C3orf49: variants seen among roughly 807,000 people sequenced by gnomAD.
C3orf49 encodes the protein putative uncharacterized protein C3orf49.
Under a neutral mutation model 13.3 loss-of-function variants are expected in C3orf49, and 27 were observed. The ratio of observed to expected loss-of-function variants is 2.02; its 90% confidence interval spans 1.49 to 2.79. The LOEUF (loss-of-function observed/expected upper bound fraction) is 2.79, where lower values mean the gene tolerates loss of function less well. Among genes scored for constraint, C3orf49 ranks in the 30% most tolerant of loss-of-function variants. The pLI is 0.00. For missense variants in C3orf49, 242 were observed against 134.2 expected (o/e 1.80, Z -3.97); for synonymous variants, 87 against 47.6 (o/e 1.83, Z -3.40).
the C3orf49 span, among the ~76,000 whole-genome samples, chr3:63,784,013 T>G: frequency 6.6e-6 from 1 of 152,142 alleles, no homozygotes; most frequent in African/African-American, 2.4e-5. Flanking sequence ...AAAATTTCCT[T>G]GACTCTCACT....
chr3:63,780,223 G>A, the C3orf49 span, among the ~76,000 whole-genome samples: 4 of 152,068 alleles, frequency 2.6e-5, no homozygotes, highest in African/African-American at 9.7e-5. Flanking sequence ...TCCCACCTAT[G>A]AGTGAGAACA....
chr3:63,845,944 A>C (rs1399763157), intron 6 of C3orf49, among the ~76,000 whole-genome samples: 1 of 152,186 alleles, frequency 6.6e-6, no homozygotes, highest in African/African-American at 2.4e-5. Context: ...TATTCATCTA[A>C]GAAGTGCACT....
Position 63,827,585 on chromosome 3 carries a change from TCCCCC to T in C3orf49, c.446-15_446-11del, listed in dbSNP as rs1575797469. 2.9e-6 allele frequency: 2 copies of T among 699,882 alleles called. No homozygotes were observed. Among genetic ancestry groups the T allele is most frequent in the South Asian group, 1.5e-5 (1 of 67,094 alleles). The allele number at this position is 699,882 out of a possible 1,614,324, so 43.4% of individuals were successfully genotyped here. On this transcript the variant is annotated splice_polypyrimidine_tract_variant and intron_variant, in intron 2 of 6. Transcript: ENST00000295896. ...ATTGTGATCCTTACAGATTCCTTTTTCCCCCTTTCTTGAAGCGACTATACAACTTG... is the reference window on the plus strand; with the variant it reads ...ATTGTGATCCTTACAGATTCCTTTTTTTTCTTGAAGCGACTATACAACTTG...
intron 5 of C3orf49, among the ~76,000 whole-genome samples, chr3:63,840,877 A>C (rs1211862068): frequency 6.6e-6 from 1 of 152,254 alleles, no homozygotes; most frequent in Non-Finnish European, 1.5e-5. Context: ...CCACTGAACA[A>C]TAACAAATAA....
chr3:63,818,418 C>T (rs1701348312), upstream of C3orf49, among the ~76,000 whole-genome samples: 1 of 152,182 alleles, frequency 6.6e-6, no homozygotes, highest in African/African-American at 2.4e-5. Flanking sequence ...ACAAGACCCT[C>T]ACTACTCCAA....
the C3orf49 span, among the ~76,000 whole-genome samples, chr3:63,808,003 A>G: frequency 2.0e-5 from 3 of 152,258 alleles, no homozygotes; most frequent in African/African-American, 7.2e-5. Context: ...CAACTGAACA[A>G]TAGCTCTGGG....
chr3:63,805,638 C>CTT, the C3orf49 span, among the ~76,000 whole-genome samples: 1 of 152,228 alleles, frequency 6.6e-6, no homozygotes, highest in Admixed American at 6.5e-5. Flanking sequence ...GCTCTGCATG[C>CTT]TTTGGGTCTG....
intron 3 of C3orf49, among the ~76,000 whole-genome samples, chr3:63,828,826 G>A (rs949775527): frequency 4.6e-5 from 7 of 152,048 alleles, no homozygotes; most frequent in African/African-American, 9.7e-5. Flanking sequence ...ATTTGCCCAC[G>A]TAAGTGACAG....
chr3:63,829,781 CA>C (rs1701509702), intron 3 of C3orf49, among the ~76,000 whole-genome samples: 1 of 151,410 alleles, frequency 6.6e-6, no homozygotes, highest in Non-Finnish European at 1.5e-5. Context: ...GGCAACATGG[CA>C]AAACCCCATC....
At chr3:63,845,332 A>G (rs1298235065) in intron 6 of C3orf49, among the ~76,000 whole-genome samples, 6 of 152,180 alleles carry the variant, frequency 3.9e-5, no homozygotes, top group African/African-American at 1.4e-4. Context: ...GTCACTGGCA[A>G]TGACTACATT....
At chr3:63,807,767 G>GA in the C3orf49 span, among the ~76,000 whole-genome samples, 2 of 145,332 alleles carry the variant, frequency 1.4e-5, no homozygotes, top group East Asian at 4.3e-4. Flanking sequence ...TGAGACAGGA[G>GA]AATCACTTGA....
chr3:63,785,059 C>CTTTTTTT, the C3orf49 span, among the ~76,000 whole-genome samples: 1 of 116,268 alleles, frequency 8.6e-6, no homozygotes, highest in African/African-American at 3.3e-5. Flanking sequence ...GACTTCTCTT[C>CTTTTTTT]TTCTTCTTTT....
At chr3:63,816,669 C>T (rs1417023840), upstream of C3orf49, among the ~76,000 whole-genome samples, 2 of 151,946 alleles carry the variant, frequency 1.3e-5, no homozygotes, top group African/African-American at 4.8e-5. Flanking sequence ...TTAATTTGAT[C>T]TATAGGACTC....
intron 1 of C3orf49, among the ~76,000 whole-genome samples, chr3:63,822,006 C>A (rs998838234): frequency 1.3e-5 from 2 of 151,828 alleles, no homozygotes; most frequent in African/African-American, 4.8e-5. Flanking sequence ...GACAGAGTCT[C>A]GCTCTGTCGC....
chr3:63,822,226 C>T (rs1385310750), intron 1 of C3orf49, among the ~76,000 whole-genome samples: 4 of 152,180 alleles, frequency 2.6e-5, no homozygotes, highest in Middle Eastern at 3.2e-3. Flanking sequence ...CCGCCTGCTT[C>T]GGCCTCCCAA....
intron 1 of C3orf49, among the ~76,000 whole-genome samples, chr3:63,823,033 A>G (rs552171629): frequency 6.6e-6 from 1 of 152,230 alleles, no homozygotes; most frequent in Non-Finnish European, 1.5e-5. Context: ...TACTGTGTTT[A>G]AATTAAATAG....
upstream of C3orf49, among the ~76,000 whole-genome samples, chr3:63,816,769 C>CTTTTTTTTTTTTTTTT (rs543894356): frequency 3.1e-5 from 3 of 97,172 alleles, no homozygotes; most frequent in African/African-American, 9.1e-5. Flanking sequence ...CTTTTCTTTT[C>CTTTTTTTTTTTTTTTT]TTTTTTTTTT....
the C3orf49 span, among the ~76,000 whole-genome samples, chr3:63,811,490 G>A: frequency 2.0e-5 from 3 of 151,532 alleles, no homozygotes. Context: ...CTCGGGAGGC[G>A]GAGCTTGCAG....
intron 5 of C3orf49, chr3:63,836,182 G>T: frequency 1.2e-6 from 1 of 867,946 alleles, no homozygotes; most frequent in Non-Finnish European, 1.8e-6. Context: ...ATATAATATT[G>T]AATATCTGAC....
Sources: allele counts gnomAD v4.1 joint callset (sites outside exome capture counted in the v4.1 genomes callset), GRCh38; gene constraint gnomAD v4.1.1; transcripts MANE v1.5; gene names NCBI Gene and HGNC (gene_info 2026-07-23, HGNC 2026-07-21).